Variants in KCTD21 observed in about 807,000 individuals in gnomAD.
The protein encoded by KCTD21 is BTB/POZ domain-containing protein KCTD21.
KCTD21 carries 9 observed loss-of-function variants against 13.2 expected under a neutral mutation model. The observed-to-expected ratio is 0.68, with a 90% CI of 0.41 to 1.19. The LOEUF (loss-of-function observed/expected upper bound fraction) is 1.19, where lower values mean the gene tolerates loss of function less well. Among genes scored for constraint, KCTD21 ranks in the 50% most tolerant of loss-of-function variants. KCTD21 has a pLI of 0.01. For synonymous variants in KCTD21, 142 were observed against 137.4 expected (o/e 1.03, Z -0.23); for missense variants, 303 against 336.5 (o/e 0.90, Z 0.78).
chr11:78,174,176 C>T lies in KCTD21; in HGVS notation c.379G>A (p.Val127Met). 1 of 1,614,074 alleles carries T rather than the reference C, an allele frequency of 6.2e-7. No individual in the cohort carries two copies. The highest frequency in any genetic ancestry group is 1.3e-5 in the African/African-American group (1 of 75,016). Reference protein sequence around the residue: ...NQRVQTVHFTVREAPQIYSLS... With the variant: ...NQRVQTVHFTMREAPQIYSLS... ...CTGTAGATCTGGGGTGCCTCGCGCA[C>T]AGTGAAGTGGACCGTCTGCACACGC... The change falls in exon 2 of 2, where the codon GTG (valine) becomes ATG (methionine). Residue 127 changes from valine (V) to methionine (M), a missense_variant. Coordinates refer to ENST00000340067, the MANE Select transcript of KCTD21 (RefSeq NM_001029859.3).
chr11:78,184,567 C>T (rs1484971901), intron 1 of KCTD21, among the ~76,000 whole-genome samples: 1 of 151,792 alleles, frequency 6.6e-6, no homozygotes, highest in Non-Finnish European at 1.5e-5. Context: ...GAACTCCTGA[C>T]CTCAAGTGAT....
chr11:78,184,816 C>G (rs965664142), intron 1 of KCTD21, among the ~76,000 whole-genome samples: 3 of 152,002 alleles, frequency 2.0e-5, no homozygotes, highest in Admixed American at 1.3e-4. Context: ...GTGGCGCGAT[C>G]ATGGTTCACT....
chr11:78,180,539 A>G (rs1383964927), intron 1 of KCTD21, among the ~76,000 whole-genome samples: 1 of 152,220 alleles, frequency 6.6e-6, no homozygotes, highest in Non-Finnish European at 1.5e-5. Flanking sequence ...AAAAGATCTA[A>G]CAAATACTCC....
In KCTD21 at chr11:78,173,760, G is replaced by A; in HGVS notation, c.*12C>T. 6.3e-7 allele frequency: 1 copy of A among 1,596,154 alleles called. No homozygotes were observed. The highest frequency in any genetic ancestry group is 8.6e-7 in the Non-Finnish European group (1 of 1,169,114). On this transcript the variant is annotated 3_prime_UTR_variant, in exon 2 of 2. Transcript: ENST00000340067. ...CCTGGGACTCCCCATCTCCAGTGTT[G>A]TTGGGGTCCTTTTACCTGTACCGTA...
Position 78,172,106 on chromosome 11 carries a change from G to C in KCTD21, c.*1666C>G, listed in dbSNP as rs995404222. On this transcript the variant is annotated 3_prime_UTR_variant, in exon 2 of 2. Transcript: ENST00000340067. ...TTGGCTTTGAGGACCCCTGCCCAGT[G>C]GGGGAGGACCCTGGGGACTCTCAAG... The C allele has an allele frequency of 6.6e-6, 1 of 152,312 alleles. No homozygotes were observed. The highest frequency in any genetic ancestry group is 6.5e-5 in the Admixed American group (1 of 15,282). The allele number at this position is 152,312 out of a possible 1,614,324, so 9.4% of individuals were successfully genotyped here.
intron 1 of KCTD21, among the ~76,000 whole-genome samples, chr11:78,179,228 G>A (rs1480078601): frequency 4.0e-5 from 6 of 150,724 alleles, no homozygotes; most frequent in African/African-American, 7.3e-5. Context: ...TAGTAGAGAC[G>A]GGTTTCACCA....
chr11:78,179,628 AGACT>A (rs1237967005), intron 1 of KCTD21, among the ~76,000 whole-genome samples: 1 of 152,138 alleles, frequency 6.6e-6, no homozygotes, highest in Non-Finnish European at 1.5e-5. Context: ...TCTGGTCTGC[AGACT>A]GACCTTCCTG....
intron 1 of KCTD21, among the ~76,000 whole-genome samples, chr11:78,180,472 C>T (rs1486776986): frequency 6.6e-6 from 1 of 152,136 alleles, no homozygotes; most frequent in Non-Finnish European, 1.5e-5. Context: ...AACAGCCTGG[C>T]CGACATGGTG....
At position 78,186,771 on chromosome 11, in the gene KCTD21, C is replaced by A. The variant is rs1052580547; in HGVS notation, c.-30+1802G>T. On this transcript the variant is annotated intron_variant, in intron 1 of 1. Coordinates refer to ENST00000340067, the MANE Select transcript of KCTD21 (RefSeq NM_001029859.3). ...CTGGACCTTGAAGACAAATCCCATG[C>A]ATCGGCCAGGTCTCTCAGCTGGAAT... 17 of 985,474 alleles carry A rather than the reference C, an allele frequency of 1.7e-5. No individual in the cohort carries two copies. In the African/African-American group the frequency reaches 2.8e-4, roughly 16 times the overall value. 61.0% of individuals were successfully genotyped at this position (985,474 alleles called of 1,614,324 possible).
chr11:78,178,353 C>T (rs551125493), intron 1 of KCTD21, among the ~76,000 whole-genome samples: 2 of 152,128 alleles, frequency 1.3e-5, no homozygotes, highest in African/African-American at 2.4e-5. Context: ...TGGTCTCGAT[C>T]TCTTGACTTT....
chr11:78,176,672 T>C (rs1862456675), intron 1 of KCTD21, among the ~76,000 whole-genome samples: 1 of 152,130 alleles, frequency 6.6e-6, no homozygotes, highest in South Asian at 2.1e-4. Context: ...ATGTGGGAGA[T>C]GGTCTGGAAT....
At position 78,173,575 on chromosome 11, in the gene KCTD21, CAAG is replaced by C. The variant is rs1243384623; in HGVS notation, c.*194_*196del. Reference sequence around the variant, plus strand: ...ACCGCCTGTCTGCAGCTCAAAATGGCAAGAAAAAAGGTGGTTCTGTTCAGAGGA... The same window carrying C: ...ACCGCCTGTCTGCAGCTCAAAATGGCAAAAAAGGTGGTTCTGTTCAGAGGA... On this transcript the variant is annotated 3_prime_UTR_variant, in exon 2 of 2. Transcript: ENST00000340067. 3.4e-6 allele frequency: 2 copies of C among 581,944 alleles called. No homozygotes were observed. The highest frequency in any genetic ancestry group is 6.1e-6 in the Non-Finnish European group (2 of 330,088). The allele number at this position is 581,944 out of a possible 1,614,324, so 36.0% of individuals were successfully genotyped here.
intron 1 of KCTD21, among the ~76,000 whole-genome samples, chr11:78,181,304 A>T (rs969001598): frequency 6.6e-6 from 1 of 152,240 alleles, no homozygotes; most frequent in African/African-American, 2.4e-5. Flanking sequence ...GTACATCCAT[A>T]CAATAGAATA....
chr11:78,183,825 C>T (rs2137004788), intron 1 of KCTD21, among the ~76,000 whole-genome samples: 1 of 151,948 alleles, frequency 6.6e-6, no homozygotes, highest in Non-Finnish European at 1.5e-5. Flanking sequence ...TTAGTGGAGA[C>T]AGGGTTTCAC....
At chr11:78,184,132 G>A (rs530828762) in intron 1 of KCTD21, among the ~76,000 whole-genome samples, 5 of 152,186 alleles carry the variant, frequency 3.3e-5, no homozygotes, top group Non-Finnish European at 7.3e-5. Context: ...AATTGTAAGA[G>A]AGAAAAATTT....
intron 1 of KCTD21, 168 bp from the exon 2 acceptor site, chr11:78,174,751 T>G: frequency 2.0e-6 from 1 of 490,430 alleles, no homozygotes; most frequent in Admixed American, 3.7e-5. Context: ...TTAGCTTCAC[T>G]AGGGAGAGGG....
At chr11:78,186,030 T>C (rs531894300) in intron 1 of KCTD21, among the ~76,000 whole-genome samples, 17 of 152,136 alleles carry the variant, frequency 1.1e-4, no homozygotes, top group African/African-American at 3.6e-4. Flanking sequence ...ACTGTGAATG[T>C]TGACAAAGAG....
chr11:78,187,068 G>C (rs555272415), intron 1 of KCTD21: 1 of 985,334 alleles, frequency 1.0e-6, no homozygotes, highest in African/African-American at 1.7e-5. Flanking sequence ...ACAAGGCCGA[G>C]GTGATTACTT....
At chr11:78,178,855 C>T (rs373045288) in intron 1 of KCTD21, among the ~76,000 whole-genome samples, 2 of 152,158 alleles carry the variant, frequency 1.3e-5, no homozygotes, top group Non-Finnish European at 2.9e-5. Flanking sequence ...AAAACGCCAT[C>T]GCCCCAGCTG....
Sources: allele counts gnomAD v4.1 joint callset (sites outside exome capture counted in the v4.1 genomes callset), GRCh38; gene constraint gnomAD v4.1.1; transcripts MANE v1.5; gene names NCBI Gene and HGNC (gene_info 2026-07-23, HGNC 2026-07-21).